PTPRD: variants seen among roughly 807,000 people sequenced by gnomAD.
PTPRD encodes protein tyrosine phosphatase receptor type D, also known as receptor-type tyrosine-protein phosphatase delta.
A neutral mutation model predicts 214.5 loss-of-function variants in PTPRD; 34 were observed. The ratio of observed to expected loss-of-function variants is 0.16; its 90% CI spans 0.12 to 0.21. The LOEUF (loss-of-function observed/expected upper bound fraction) is 0.21, where lower values mean the gene tolerates loss of function less well. Among genes scored for constraint, PTPRD ranks in the 10% least tolerant of loss-of-function variants. The pLI is 1.00. For missense variants in PTPRD, 2,545 were observed against 2,398.7 expected, an observed-to-expected ratio of 1.06 and a Z score of -1.27; for synonymous variants, 1,128 against 845.7, an observed-to-expected ratio of 1.33 and a Z score of -5.79.
At chr9:9,075,272 A>T (rs1049076181) in intron 10 of PTPRD, among the ~76,000 whole-genome samples, 49 of 152,282 alleles carry the variant, frequency 3.2e-4, no homozygotes, top group African/African-American at 1.2e-3. Flanking sequence ...CCATCACCTC[A>T]AACATTTATC....
At chr9:8,509,106 T>C (rs574915904) in intron 21 of PTPRD, among the ~76,000 whole-genome samples, 1 of 152,128 alleles carries the variant, frequency 6.6e-6, no homozygotes, top group Admixed American at 6.5e-5. Context: ...TTTTCCCCAG[T>C]ACCTGCCCAG....
At chr9:9,545,775 T>C (rs1356721794) in intron 8 of PTPRD, among the ~76,000 whole-genome samples, 3 of 151,842 alleles carry the variant, frequency 2.0e-5, no homozygotes, top group African/African-American at 4.8e-5. Flanking sequence ...TTATTGGCTA[T>C]TCTGGGTCTT....
chr9:9,677,810 C>G (rs972053279), intron 7 of PTPRD, among the ~76,000 whole-genome samples: 3 of 152,030 alleles, frequency 2.0e-5, no homozygotes, highest in African/African-American at 7.2e-5. Flanking sequence ...GATTGTATAT[C>G]TAGAAAACCC....
chr9:9,475,929 C>T (rs139382737), intron 8 of PTPRD, among the ~76,000 whole-genome samples: 45 of 152,234 alleles, frequency 3.0e-4, no homozygotes, highest in African/African-American at 9.1e-4. Context: ...TAGTTTCACA[C>T]ATTGTAGGGA....
chr9:9,375,189 T>C lies in PTPRD; in HGVS notation c.-203+22260A>G, dbSNP rs113533337. On this transcript the variant is annotated intron_variant, in intron 9 of 45. Transcript: ENST00000381196. ...ACATCATACTGAAAGACAATGTCTG[T>C]TATACCAATGTTCACAGCAGCATTA... Among the ~76,000 whole-genome samples the C allele has an allele frequency of 2.9e-3, 442 of 152,308 alleles. 5 individuals are homozygous for C. The highest frequency in any genetic ancestry group is 0.01 in the African/African-American group (427 of 41,574).
intron 11 of PTPRD, among the ~76,000 whole-genome samples, chr9:8,869,283 A>G (rs984910223): frequency 6.6e-6 from 1 of 152,218 alleles, no homozygotes; most frequent in African/African-American, 2.4e-5. Flanking sequence ...AACTCTAAGA[A>G]TAGAAAACTA....
At chr9:8,679,849 G>T (rs560273439) in intron 12 of PTPRD, among the ~76,000 whole-genome samples, 1 of 152,246 alleles carries the variant, frequency 6.6e-6, no homozygotes, top group South Asian at 2.1e-4. Flanking sequence ...TATGGCATTT[G>T]TGCCTTACAA....
At chr9:9,602,719 A>T (rs2093868266) in intron 7 of PTPRD, among the ~76,000 whole-genome samples, 1 of 152,014 alleles carries the variant, frequency 6.6e-6, no homozygotes, top group African/African-American at 2.4e-5. Context: ...GTGTTACTCT[A>T]TCTTATTCCC....
intron 3 of PTPRD, among the ~76,000 whole-genome samples, chr9:10,044,528 T>C (rs1007137732): frequency 5.3e-5 from 8 of 151,760 alleles, no homozygotes; most frequent in African/African-American, 7.2e-5. Context: ...TAGCCACAAA[T>C]ACAGGGAATC....
At chr9:9,136,716 C>T (rs573045558) in intron 10 of PTPRD, among the ~76,000 whole-genome samples, 1 of 152,128 alleles carries the variant, frequency 6.6e-6, no homozygotes. Flanking sequence ...TATGTATTTG[C>T]CCCTGTAGAT....
intron 11 of PTPRD, among the ~76,000 whole-genome samples, chr9:8,984,325 A>G (rs1589299352): frequency 6.6e-6 from 1 of 152,246 alleles, no homozygotes; most frequent in Admixed American, 6.5e-5. Context: ...CGGAAAGGTA[A>G]AGAACAGAAA....
intron 11 of PTPRD, among the ~76,000 whole-genome samples, chr9:8,742,961 C>A (rs1331184830): frequency 6.6e-6 from 1 of 152,090 alleles, no homozygotes; most frequent in Non-Finnish European, 1.5e-5. Context: ...GTAGAGGCCA[C>A]AGATACTGCC....
intron 14 of PTPRD, among the ~76,000 whole-genome samples, chr9:8,627,472 A>G (rs1476886230): frequency 6.6e-6 from 1 of 151,926 alleles, no homozygotes; most frequent in African/African-American, 2.4e-5. Flanking sequence ...AAGCAGCAGT[A>G]AACACTCGCA....
At chr9:9,196,272 T>C (rs375233466) in intron 9 of PTPRD, among the ~76,000 whole-genome samples, 1 of 152,182 alleles carries the variant, frequency 6.6e-6, no homozygotes, top group Admixed American at 6.5e-5. Flanking sequence ...TTATATGAAA[T>C]AGTCATGTCT....
At chr9:9,832,245 C>T (rs2761763) in intron 5 of PTPRD, among the ~76,000 whole-genome samples, 52,416 of 151,614 alleles carry the variant, frequency 0.35, 9,508 homozygotes, top group African/African-American at 0.45. Flanking sequence ...GAGTAGCAGA[C>T]GAAAGAGTAT....
intron 2 of PTPRD, among the ~76,000 whole-genome samples, chr9:10,480,571 A>G (rs1488761301): frequency 2.6e-5 from 4 of 152,126 alleles, no homozygotes; most frequent in African/African-American, 7.2e-5. Context: ...AAAGCATGCA[A>G]AAGACAATGA....
chr9:10,037,057 T>C (rs1182904047), intron 3 of PTPRD, among the ~76,000 whole-genome samples: 1 of 151,876 alleles, frequency 6.6e-6, no homozygotes, highest in Non-Finnish European at 1.5e-5. Context: ...AGCTAATTTT[T>C]TAATGTTTTG....
intron 11 of PTPRD, among the ~76,000 whole-genome samples, chr9:8,785,174 G>C (rs2095887324): frequency 3.3e-5 from 5 of 152,128 alleles, no homozygotes; most frequent in Admixed American, 2.0e-4. Flanking sequence ...TACAAGAAAA[G>C]AAATTTGGTA....
Position 10,081,185 on chromosome 9 carries a change from C to T in PTPRD, c.-544-47395G>A, listed in dbSNP as rs138252289. Among the ~76,000 whole-genome samples the T allele has an allele frequency of 5.0e-3, 754 of 151,968 alleles. 9 individuals carry two copies. The highest frequency in any genetic ancestry group is 0.017 in the African/African-American group (712 of 41,488). ...AAATATTAATTCTTAAATTCACAGA[C>T]ATTATTTTAAATATTATGAAGTTAA... On this transcript the variant is annotated intron_variant, in intron 3 of 45. Transcript: ENST00000381196.
Sources: allele counts gnomAD v4.1 joint callset (sites outside exome capture counted in the v4.1 genomes callset), GRCh38; gene constraint gnomAD v4.1.1; transcripts MANE v1.5; gene names NCBI Gene and HGNC (gene_info 2026-07-23, HGNC 2026-07-21).